SLC39A8: variants seen among roughly 807,000 people sequenced by gnomAD.
The protein encoded by SLC39A8 is solute carrier family 39 member 8, also known as metal cation symporter ZIP8.
In SLC39A8, 15 loss-of-function variants were observed where a neutral mutation model predicts 40.4. The observed-to-expected ratio is 0.37, with a 90% CI of 0.25 to 0.57. SLC39A8 has a LOEUF of 0.57. SLC39A8 is among the 20% of genes least tolerant of loss of function. The pLI is 0.75. For missense variants in SLC39A8, 472 were observed against 558.8 expected (o/e 0.84, Z 1.57); for synonymous variants, 223 against 221.6 (o/e 1.01, Z -0.06).
At position 102,344,460 on chromosome 4, in the gene SLC39A8, T is replaced by C. The variant is rs758220724; in HGVS notation, c.203A>G (p.Gln68Arg). 4 of 1,541,100 alleles carry C rather than the reference T, an allele frequency of 2.6e-6. No homozygotes were observed. Among genetic ancestry groups the C allele is most frequent in the Non-Finnish European group, 3.5e-6 (4 of 1,142,870 alleles). The change falls in exon 2 of 9, where the codon CAG (glutamine) becomes CGG (arginine). Residue 68 changes from glutamine to arginine, a missense_variant. By Grantham distance (43) the Gln-to-Arg change is conservative (BLOSUM62 1). Coordinates refer to ENST00000356736, the MANE Select transcript of SLC39A8 (RefSeq NM_001135146.2). ...ASRVGVPEPGQLHFNQCLTAE... is the reference protein window; with the variant it reads ...ASRVGVPEPGRLHFNQCLTAE... ...CGGCCTTACCTGGTTGAAGTGCAGC[T>C]GGCCAGGCTCCGGGACGCCCACGCG... is the stretch of plus-strand genomic sequence containing the variant.
chr4:102,293,989 G>A (rs924185460), intron 6 of SLC39A8, among the ~76,000 whole-genome samples: 5 of 151,140 alleles, frequency 3.3e-5, no homozygotes, highest in East Asian at 3.9e-4. Flanking sequence ...CTTGATACAC[G>A]GCAGGAATAA....
intron 6 of SLC39A8, among the ~76,000 whole-genome samples, chr4:102,272,077 G>T: frequency 6.6e-6 from 1 of 152,098 alleles, no homozygotes; most frequent in Non-Finnish European, 1.5e-5. Flanking sequence ...AGGGGCTCCT[G>T]CCAGTAATCC....
In SLC39A8 at chr4:102,262,280, C is replaced by T. The variant is rs971854761; in HGVS notation, c.*764G>A. On this transcript the variant is annotated 3_prime_UTR_variant, in exon 9 of 9. Coordinates refer to ENST00000356736, the MANE Select transcript of SLC39A8 (RefSeq NM_001135146.2). Reference sequence around the variant, plus strand: ...TGCACTGAAACCGAGGTGTTACCAGCTTTACATACTGTTCTGCCATTTGTG... The same window carrying T: ...TGCACTGAAACCGAGGTGTTACCAGTTTTACATACTGTTCTGCCATTTGTG... 1.0e-6 allele frequency: 1 copy of T among 985,724 alleles called. No individual in the cohort carries two copies. The highest frequency in any genetic ancestry group is 1.2e-6 in the Non-Finnish European group (1 of 829,924). 61.1% of individuals were successfully genotyped at this position (985,724 alleles called of 1,614,324 possible). A position where few individuals can be genotyped will look rare whatever the true frequency, so the allele number is the denominator to read the frequency against.
chr4:102,329,391 G>A (rs143242565), intron 2 of SLC39A8, among the ~76,000 whole-genome samples: 52 of 152,210 alleles, frequency 3.4e-4, no homozygotes, highest in Middle Eastern at 3.4e-3. Flanking sequence ...GGGAGGCCAC[G>A]GCAGGCGGAT....
downstream of SLC39A8, among the ~76,000 whole-genome samples, chr4:102,260,198 C>A (rs1395014624): frequency 6.6e-6 from 1 of 152,196 alleles, no homozygotes; most frequent in Non-Finnish European, 1.5e-5. Context: ...TGCATAAGAA[C>A]CATCTGGAGT....
rs891960666 is a variant in SLC39A8, at chr4:102,344,437, G to A, written c.219+7C>T. On this transcript the variant is annotated splice_region_variant and intron_variant, in intron 2 of 8. Transcript: ENST00000356736. ...TACGGAGGGCTGCCCGGACCTGGCG[G>A]CCTTACCTGGTTGAAGTGCAGCTGG... is the stretch of plus-strand genomic sequence containing the variant. 2 of 1,520,282 alleles carry A rather than the reference G, an allele frequency of 1.3e-6. No homozygotes were observed. The highest frequency in any genetic ancestry group is 2.8e-5 in the African/African-American group (2 of 70,378). 94.2% of individuals were successfully genotyped at this position (1,520,282 alleles called of 1,614,324 possible). A position where few individuals can be genotyped will look rare whatever the true frequency, so the allele number is the denominator to read the frequency against.
chr4:102,252,749 G>C (rs1385992466), exon 12 of SLC39A8: 1 of 152,050 alleles, frequency 6.6e-6, no homozygotes, highest in Non-Finnish European at 1.5e-5. Context: ...AGCTGTATTA[G>C]TCGGCTAGAA....
intron 2 of SLC39A8, among the ~76,000 whole-genome samples, chr4:102,329,309 A>G (rs1010529398): frequency 1.3e-5 from 2 of 152,268 alleles, no homozygotes; most frequent in East Asian, 3.9e-4. Flanking sequence ...GGATAGTGAC[A>G]TGCTCAGATT....
chr4:102,299,486 A>G (rs545659657), intron 6 of SLC39A8, among the ~76,000 whole-genome samples: 2 of 152,108 alleles, frequency 1.3e-5, no homozygotes, highest in East Asian at 3.9e-4. Flanking sequence ...CACTTAGAAT[A>G]ATGCCAAGTA....
chr4:102,333,110 C>G (rs147030057), intron 2 of SLC39A8, among the ~76,000 whole-genome samples: 1 of 151,982 alleles, frequency 6.6e-6, no homozygotes, highest in Non-Finnish European at 1.5e-5. Context: ...CACGCGTATA[C>G]CTAAGTAACA....
At chr4:102,255,744 G>A (rs1731694839) in intron 11 of SLC39A8, among the ~76,000 whole-genome samples, 1 of 152,136 alleles carries the variant, frequency 6.6e-6, no homozygotes, top group African/African-American at 2.4e-5. Flanking sequence ...CAACAGAAGT[G>A]CATTACTCCA....
chr4:102,309,346 G>A (rs1734325473), intron 3 of SLC39A8, among the ~76,000 whole-genome samples: 1 of 151,960 alleles, frequency 6.6e-6, no homozygotes, highest in African/African-American at 2.4e-5. Context: ...TCACAGCACT[G>A]ACCATGACGA....
chr4:102,261,883 G>T lies in SLC39A8; in HGVS notation c.*1161C>A, dbSNP rs747988633. The stretch of plus-strand genomic sequence containing the variant: ...CATCAAATCACCTTAAGTGACTTGG[G>T]AGTGTGAATCTAGGATGTTCAATTT... On this transcript the variant is annotated 3_prime_UTR_variant, in exon 9 of 9. Transcript: ENST00000356736. 15 of 985,710 alleles carry T rather than the reference G, an allele frequency of 1.5e-5. No individual in the cohort carries two copies. The Admixed American group carries it at 4.3e-4, about 28-fold the overall frequency. 61.1% of individuals were successfully genotyped at this position (985,710 alleles called of 1,614,324 possible).
At chr4:102,284,717 A>G (rs1733075115) in intron 6 of SLC39A8, among the ~76,000 whole-genome samples, 1 of 152,212 alleles carries the variant, frequency 6.6e-6, no homozygotes, top group Non-Finnish European at 1.5e-5. Context: ...CACTATAAAA[A>G]TTACAAAAAA....
chr4:102,334,162 C>T (rs1735577389), intron 2 of SLC39A8, among the ~76,000 whole-genome samples: 1 of 152,078 alleles, frequency 6.6e-6, no homozygotes, highest in Admixed American at 6.6e-5. Context: ...TTCTATGGTC[C>T]AGTTATACAC....
intron 6 of SLC39A8, among the ~76,000 whole-genome samples, chr4:102,270,406 A>T (rs1379513798): frequency 6.6e-6 from 1 of 152,222 alleles, no homozygotes; most frequent in Non-Finnish European, 1.5e-5. Context: ...AACAAACCAA[A>T]GTCAGCAAAC....
chr4:102,299,677 C>T (rs1216737835), intron 6 of SLC39A8, among the ~76,000 whole-genome samples: 1 of 151,980 alleles, frequency 6.6e-6, no homozygotes, highest in Non-Finnish European at 1.5e-5. Flanking sequence ...TTTTATTGCA[C>T]CTCAACTTTA....
At chr4:102,276,580 T>G (rs941559277) in intron 6 of SLC39A8, among the ~76,000 whole-genome samples, 30 of 152,336 alleles carry the variant, frequency 2.0e-4, no homozygotes, top group African/African-American at 7.2e-4. Flanking sequence ...CTGGTACCAT[T>G]CCTTCTGAAA....
chr4:102,292,043 G>A (rs547056512), intron 6 of SLC39A8, among the ~76,000 whole-genome samples: 1 of 152,108 alleles, frequency 6.6e-6, no homozygotes, highest in South Asian at 2.1e-4. Context: ...GAGGCCTGGG[G>A]ACTGGGAGGA....
Sources: allele counts gnomAD v4.1 joint callset (sites outside exome capture counted in the v4.1 genomes callset), GRCh38; gene constraint gnomAD v4.1.1; transcripts MANE v1.5; gene names NCBI Gene and HGNC (gene_info 2026-07-23, HGNC 2026-07-21).